The following DNAI7 variants were observed in gnomAD, a reference collection of about 807,000 sequenced individuals.
The protein encoded by DNAI7 is cancer susceptibility 1.
DNAI7 carries 78 observed loss-of-function variants against 86.6 expected under a neutral mutation model. That is an observed-to-expected ratio of 0.90 (90% CI 0.75 to 1.09). The LOEUF is 1.09. Among genes scored for constraint, DNAI7 ranks in the 50% least tolerant of loss-of-function variants. DNAI7 has a pLI of 0.00. For missense variants in DNAI7, 753 were observed against 810.2 expected (o/e 0.93, Z 0.86); for synonymous variants, 274 against 273.0 (o/e 1.00, Z -0.04).
chr12:25,166,388 G>A (rs1056969083), intron 2 of DNAI7, among the ~76,000 whole-genome samples: 2 of 151,914 alleles, frequency 1.3e-5, no homozygotes, highest in African/African-American at 2.4e-5. Context: ...ATTCTGTTCT[G>A]GATCTCAAAC....
In DNAI7 at chr12:25,132,715, C is replaced by T. The variant is rs573170391; in HGVS notation, c.1003-9429G>A. Among the ~76,000 whole-genome samples the T allele has an allele frequency of 6.8e-4, 103 of 150,554 alleles. 1 individual carries two copies. Among genetic ancestry groups the T allele is most frequent in the Non-Finnish European group, 1.4e-3 (93 of 68,026 alleles). ...AACGGTATGTGAAGACGCCTGCCTG[C>T]TCAATCTGATAGGAAAACAAATGAC... On this transcript the variant is annotated intron_variant, in intron 9 of 15. Coordinates refer to ENST00000395987, the MANE Select transcript of DNAI7 (RefSeq NM_018272.5).
intron 2 of DNAI7, among the ~76,000 whole-genome samples, chr12:25,181,135 C>T (rs945398492): frequency 1.4e-4 from 21 of 151,916 alleles, no homozygotes; most frequent in African/African-American, 4.6e-4. Flanking sequence ...GACAGAGTCT[C>T]GCTTTGTCAT....
chr12:25,182,638 A>ACACACACAC (rs1555184974), intron 2 of DNAI7, among the ~76,000 whole-genome samples: 12 of 150,820 alleles, frequency 8.0e-5, no homozygotes, highest in Non-Finnish European at 1.2e-4. Context: ...ACACACACAC[A>ACACACACAC]AGCCAGATGT....
At chr12:25,179,431 T>C (rs529602923) in intron 2 of DNAI7, among the ~76,000 whole-genome samples, 3 of 152,290 alleles carry the variant, frequency 2.0e-5, no homozygotes, top group East Asian at 3.8e-4. Flanking sequence ...TTAAACATTA[T>C]TCTATTAATT....
chr12:25,194,771 T>C (rs1950884930), intron 1 of DNAI7: 1 of 1,003,852 alleles, frequency 1.0e-6, no homozygotes, highest in Non-Finnish European at 1.5e-6. Flanking sequence ...CGTCTATCAC[T>C]ACTGAAAGTT....
intron 9 of DNAI7, among the ~76,000 whole-genome samples, chr12:25,132,119 C>T (rs1284594659): frequency 6.6e-6 from 1 of 152,072 alleles, no homozygotes; most frequent in Non-Finnish European, 1.5e-5. Flanking sequence ...TTATCATGAA[C>T]GTTCCCCCTT....
At chr12:25,186,197 A>G (rs542339014) in intron 2 of DNAI7, among the ~76,000 whole-genome samples, 2 of 152,322 alleles carry the variant, frequency 1.3e-5, no homozygotes, top group Admixed American at 6.5e-5. Context: ...ACAGTACATC[A>G]GGTATCATAA....
chr12:25,138,849 C>A (rs1943855747), intron 9 of DNAI7, among the ~76,000 whole-genome samples: 1 of 148,034 alleles, frequency 6.8e-6, no homozygotes. Context: ...AAAGAAATAG[C>A]TAAGATCAGA....
intron 2 of DNAI7, among the ~76,000 whole-genome samples, chr12:25,180,714 G>C (rs1467928083): frequency 6.6e-6 from 1 of 152,142 alleles, no homozygotes; most frequent in African/African-American, 2.4e-5. Flanking sequence ...AATGATGCTA[G>C]GAAAACTGGC....
At chr12:25,109,866 C>T (rs985321987) in intron 15 of DNAI7, among the ~76,000 whole-genome samples, 5 of 151,790 alleles carry the variant, frequency 3.3e-5, no homozygotes, top group Non-Finnish European at 5.9e-5. Flanking sequence ...TTGGTAGAAA[C>T]GGGGTTTCAC....
chr12:25,152,226 T>C lies in DNAI7; in HGVS notation c.438+2093A>G, dbSNP rs143342864. ...AACCTCACCTGAGTTTATGCTAATATGATGAGTCTCAGAGGATGGCGGCTG... is the reference window on the plus strand; with the variant it reads ...AACCTCACCTGAGTTTATGCTAATACGATGAGTCTCAGAGGATGGCGGCTG... On this transcript the variant is annotated intron_variant, in intron 6 of 15. Coordinates refer to ENST00000395987, the MANE Select transcript of DNAI7 (RefSeq NM_018272.5). Among the ~76,000 whole-genome samples, 536 of 152,320 alleles carry C rather than the reference T, an allele frequency of 3.5e-3. 1 individual carries two copies. The highest frequency in any genetic ancestry group is 6.6e-3 in the Non-Finnish European group (449 of 68,026).
chr12:25,142,396 CACTGCTCGGG>C (rs1944314049), intron 9 of DNAI7, among the ~76,000 whole-genome samples: 1 of 151,916 alleles, frequency 6.6e-6, no homozygotes, highest in Non-Finnish European at 1.5e-5. Flanking sequence ...GGGTAGTGTC[CACTGCTCGGG>C]TAATGGGTGC....
chr12:25,132,829 C>T (rs925279893), intron 9 of DNAI7, among the ~76,000 whole-genome samples: 2 of 148,014 alleles, frequency 1.4e-5, no homozygotes, highest in Non-Finnish European at 2.9e-5. Flanking sequence ...ATGTCCTTTG[C>T]TTAATTTTAT....
rs201916980 is a variant in DNAI7, at chr12:25,108,824, C to G, written c.1894-1G>C. The G allele has an allele frequency of 8.9e-6, 1 of 111,808 alleles. No homozygotes were observed. The highest frequency in any genetic ancestry group is 1.4e-5 in the Non-Finnish European group (1 of 73,142). 6.9% of individuals were successfully genotyped at this position (111,808 alleles called of 1,614,324 possible). On this transcript the variant is annotated splice_acceptor_variant, in intron 15 of 15. Coordinates refer to ENST00000395987, the MANE Select transcript of DNAI7 (RefSeq NM_018272.5). LOFTEE classifies it high-confidence loss of function. ...ATGCTTCAGTAAGGTGTTCCCTCAC[C>G]TAAAAAAAAAAAAAATTCAAGCAAG...
chr12:25,157,866 T>C (rs1946379221), intron 4 of DNAI7, among the ~76,000 whole-genome samples: 1 of 152,002 alleles, frequency 6.6e-6, no homozygotes, highest in South Asian at 2.1e-4. Context: ...CCTGTTATCT[T>C]GTCTATACAA....
At chr12:25,108,233 G>A (rs946168625), downstream of DNAI7, 26 of 659,842 alleles carry the variant, frequency 3.9e-5, no homozygotes, top group Non-Finnish European at 6.0e-5. Flanking sequence ...AAAATACAAT[G>A]GGGAAGAAGT....
intron 8 of DNAI7, among the ~76,000 whole-genome samples, 199 bp downstream of exon 8, chr12:25,146,802 G>A (rs1944899865): frequency 6.6e-6 from 1 of 152,150 alleles, no homozygotes; most frequent in Admixed American, 6.5e-5. Flanking sequence ...TCATTTTACT[G>A]ATGATATACT....
intron 2 of DNAI7, among the ~76,000 whole-genome samples, chr12:25,168,780 A>G (rs1947791388): frequency 6.6e-6 from 1 of 152,136 alleles, no homozygotes; most frequent in South Asian, 2.1e-4. Flanking sequence ...GGTCCTCCCA[A>G]TTCTTAGTCC....
chr12:25,107,951 A>T, downstream of DNAI7: 1 of 1,614,182 alleles, frequency 6.2e-7, no homozygotes, highest in Non-Finnish European at 8.5e-7. Context: ...CAATTATTCC[A>T]GAAGTCTGTG....
Sources: gnomAD v4.1 joint callset for allele counts (sites outside exome capture counted in the v4.1 genomes callset) on GRCh38, gnomAD v4.1.1 for gene constraint, MANE v1.5 for transcripts, NCBI Gene and HGNC (gene_info 2026-07-23, HGNC 2026-07-21) for gene names.